Variants in DAW1 observed in about 807,000 individuals in gnomAD.
The protein encoded by DAW1 is dynein assembly factor with WD repeats 1.
In DAW1, 47 loss-of-function variants were observed where a neutral mutation model predicts 56.5. The observed-to-expected ratio is 0.83, with a 90% confidence interval of 0.66 to 1.06. The LOEUF (loss-of-function observed/expected upper bound fraction) is 1.06. DAW1 is among the 50% of genes least tolerant of loss of function. The probability of loss-of-function intolerance (pLI) is 0.00; values close to 1 mark genes in which losing one functional copy is unlikely to be tolerated. For synonymous variants in DAW1, 190 were observed against 179.0 expected, an observed-to-expected ratio of 1.06 and a Z score of -0.49; for missense variants, 505 against 499.3, an observed-to-expected ratio of 1.01 and a Z score of -0.11.
chr2:227,912,962 G>A (rs1418563266), intron 10 of DAW1, among the ~76,000 whole-genome samples: 1 of 152,098 alleles, frequency 6.6e-6, no homozygotes, highest in East Asian at 1.9e-4. Flanking sequence ...GCTATATGTT[G>A]TACAATATTA....
chr2:227,881,749 T>G (rs1310256173), intron 1 of DAW1, among the ~76,000 whole-genome samples: 1 of 122,658 alleles, frequency 8.2e-6, no homozygotes, highest in Non-Finnish European at 1.6e-5. Flanking sequence ...CATTCTTTTT[T>G]TTTTTTTTTT....
intron 11 of DAW1, among the ~76,000 whole-genome samples, chr2:227,919,268 A>G (rs1692051425): frequency 6.6e-6 from 1 of 150,700 alleles, no homozygotes; most frequent in Non-Finnish European, 1.5e-5. Context: ...AAGTACTAAG[A>G]TTAAGATTTG....
At chr2:227,882,633 T>G (rs1691036628) in intron 1 of DAW1, among the ~76,000 whole-genome samples, 1 of 152,350 alleles carries the variant, frequency 6.6e-6, no homozygotes, top group African/African-American at 2.4e-5. Context: ...ATGGTTAGGC[T>G]TTGTGTCCTC....
At chr2:227,890,021 C>G in intron 3 of DAW1, 21 bp downstream of exon 3, 1 of 1,496,766 alleles carries the variant, frequency 6.7e-7, no homozygotes, top group African/African-American at 1.4e-5. Flanking sequence ...TAAAAACAAT[C>G]AGATAGAAGA....
chr2:227,921,582 A>G, intron 12 of DAW1, 21 bp downstream of exon 12: 3 of 1,590,888 alleles, frequency 1.9e-6, no homozygotes, highest in Non-Finnish European at 2.6e-6. Flanking sequence ...CATCAACACC[A>G]TAGACTCATT....
At chr2:227,880,804 C>T (rs1389991753) in intron 1 of DAW1, among the ~76,000 whole-genome samples, 3 of 152,104 alleles carry the variant, frequency 2.0e-5, no homozygotes, top group African/African-American at 4.8e-5. Flanking sequence ...AGAGGAGAAG[C>T]AGTGTTGAAG....
At chr2:227,899,292 G>A (rs1347770602) in intron 6 of DAW1, among the ~76,000 whole-genome samples, 3 of 152,098 alleles carry the variant, frequency 2.0e-5, no homozygotes, top group African/African-American at 7.2e-5. Context: ...CTCCATTTCT[G>A]GCCTTCATTA....
In DAW1 at chr2:227,906,133, C is replaced by G. The variant is rs185848322; in HGVS notation, c.756-103C>G. Reference sequence around the variant, plus strand: ...ATCAAATATATTATTTTGTAAAAACCAGATTTTAGATTAGCTTACACAGAT... The same window carrying G: ...ATCAAATATATTATTTTGTAAAAACGAGATTTTAGATTAGCTTACACAGAT... On this transcript the variant is annotated intron_variant, in intron 8 of 12. Transcript: ENST00000309931. 489 of 789,032 alleles carry G rather than the reference C, an allele frequency of 6.2e-4. 2 individuals carry two copies. The African/African-American group carries it at 7.4e-3, about 12-fold the overall frequency. The allele number at this position is 789,032 out of a possible 1,614,324, so 48.9% of individuals were successfully genotyped here.
intron 10 of DAW1, among the ~76,000 whole-genome samples, chr2:227,917,863 TA>T (rs1050290238): frequency 1.3e-5 from 2 of 152,162 alleles, no homozygotes; most frequent in Non-Finnish European, 2.9e-5. Flanking sequence ...GAAAGGCAAG[TA>T]AAAAATTTAT....
intron 10 of DAW1, among the ~76,000 whole-genome samples, chr2:227,914,045 G>T (rs542190828): frequency 6.6e-6 from 1 of 150,904 alleles, no homozygotes. Context: ...GTTCCTAAAG[G>T]CCTTTATAAT....
chr2:227,899,747 G>A (rs966330442), intron 6 of DAW1, among the ~76,000 whole-genome samples: 12 of 152,112 alleles, frequency 7.9e-5, no homozygotes, highest in Non-Finnish European at 1.2e-4. Flanking sequence ...GTGAATAGTC[G>A]GTGACAGCCG....
In DAW1 at chr2:227,885,407, C is replaced by T. The variant is rs1234706103; in HGVS notation, c.97C>T (p.Leu33Phe). Reference sequence around the variant, plus strand: ...ATTAAAGACTAAGTCCATAGATTTGCTTGATCTTGGTCCCAGGTAAGTAAG... The same window carrying T: ...ATTAAAGACTAAGTCCATAGATTTGTTTGATCTTGGTCCCAGGTAAGTAAG... The part of the protein sequence containing the change: ...GELKTKSIDL[L>F]DLGPSTDVSA... Residue 33 changes from leucine to phenylalanine, a missense_variant, in exon 2 of 13, where the codon CTT (leucine) becomes TTT (phenylalanine). Leu to Phe is a conservative substitution (Grantham distance 22). Transcript: ENST00000309931. 6.2e-7 allele frequency: 1 copy of T among 1,602,880 alleles called. No homozygotes were observed. The highest frequency in any genetic ancestry group is 1.7e-5 in the Admixed American group (1 of 57,698).
At chr2:227,897,361 G>A (rs1014162799) in intron 5 of DAW1, among the ~76,000 whole-genome samples, 1 of 151,954 alleles carries the variant, frequency 6.6e-6, no homozygotes, top group African/African-American at 2.4e-5. Flanking sequence ...GGAGAATCAA[G>A]GCATCAATGT....
In DAW1 at chr2:227,890,098, G is replaced by C. The variant is rs558902332; in HGVS notation, c.258+98G>C. 4 of 1,264,164 alleles carry C rather than the reference G, an allele frequency of 3.2e-6. No homozygotes were observed. The South Asian group carries it at 5.6e-5, about 18-fold the overall frequency. 78.3% of individuals were successfully genotyped at this position (1,264,164 alleles called of 1,614,324 possible). On this transcript the variant is annotated intron_variant, in intron 3 of 12. Coordinates refer to ENST00000309931, the MANE Select transcript of DAW1 (RefSeq NM_178821.3). Reference sequence around the variant, plus strand: ...CTAAAAATATTTTTTCATGAAAAAGGCATGTCAGTGATTGATTGTAGTGCC... The same window carrying C: ...CTAAAAATATTTTTTCATGAAAAAGCCATGTCAGTGATTGATTGTAGTGCC...
At chr2:227,871,929 A>T (rs1225896238) in intron 1 of DAW1, among the ~76,000 whole-genome samples, 200 bp downstream of exon 1, 1 of 152,260 alleles carries the variant, frequency 6.6e-6, no homozygotes, top group Non-Finnish European at 1.5e-5. Flanking sequence ...TTACTCTTTT[A>T]GGAATTTAAA....
At chr2:227,902,354 C>T (rs886742847) in intron 6 of DAW1, among the ~76,000 whole-genome samples, 13 of 152,026 alleles carry the variant, frequency 8.6e-5, no homozygotes, top group Non-Finnish European at 1.6e-4. Flanking sequence ...GTGATGCTTC[C>T]GGGGTGTCAG....
chr2:227,877,217 C>T (rs993787265), intron 1 of DAW1, among the ~76,000 whole-genome samples: 3 of 152,200 alleles, frequency 2.0e-5, no homozygotes, highest in Non-Finnish European at 4.4e-5. Flanking sequence ...TTTGCTCTGT[C>T]AGCCAGGCTG....
At chr2:227,922,324 T>C (rs533420143) in intron 12 of DAW1, among the ~76,000 whole-genome samples, 1 of 152,368 alleles carries the variant, frequency 6.6e-6, no homozygotes, top group South Asian at 2.1e-4. Flanking sequence ...TTAACCATTT[T>C]TCAACCGTTA....
chr2:227,902,918 A>G (rs1691579690), intron 6 of DAW1, 84 bp from the exon 7 acceptor site: 7 of 1,341,380 alleles, frequency 5.2e-6, no homozygotes, highest in East Asian at 4.8e-5. Context: ...CTGGTAAGGT[A>G]ATTGCATCTG....
Sources: gnomAD v4.1 joint callset for allele counts (sites outside exome capture counted in the v4.1 genomes callset) on GRCh38, gnomAD v4.1.1 for gene constraint, MANE v1.5 for transcripts, NCBI Gene and HGNC (gene_info 2026-07-23, HGNC 2026-07-21) for gene names.